VPS13B: variants seen among roughly 807,000 people sequenced by gnomAD.
VPS13B encodes the protein vacuolar protein sorting 13 homolog B, also known as intermembrane lipid transfer protein VPS13B.
A neutral mutation model predicts 426.4 loss-of-function variants in VPS13B; 285 were observed. The observed-to-expected ratio is 0.67, with a 90% CI of 0.61 to 0.74. The LOEUF (loss-of-function observed/expected upper bound fraction) is 0.74, where lower values mean the gene tolerates loss of function less well. VPS13B is among the 30% of genes least tolerant of loss of function. The pLI is 0.00. For synonymous variants in VPS13B, 1,676 were observed against 1,676.4 expected (o/e 1.00, Z 0.01); for missense variants, 4,537 against 4,782.6 (o/e 0.95, Z 1.51).
intron 2 of VPS13B, among the ~76,000 whole-genome samples, chr8:99,037,732 C>T (rs1438432393): frequency 6.6e-6 from 1 of 151,928 alleles, no homozygotes; most frequent in African/African-American, 2.4e-5. Context: ...TGACATTTTT[C>T]ATGCCTAACC....
chr8:99,686,271 C>T (rs4735632), intron 35 of VPS13B, among the ~76,000 whole-genome samples: 10,487 of 152,178 alleles, frequency 0.069, 548 homozygotes, highest in African/African-American at 0.14. Flanking sequence ...ACACAAGCAC[C>T]GTGGCCACCA....
intron 61 of VPS13B, among the ~76,000 whole-genome samples, chr8:99,874,178 C>T (rs1817574632): frequency 6.6e-6 from 1 of 152,140 alleles, no homozygotes; most frequent in Non-Finnish European, 1.5e-5. Context: ...GGCTGGGTTC[C>T]TTTCACAACA....
At chr8:99,074,808 G>T (rs1588000451) in intron 3 of VPS13B, among the ~76,000 whole-genome samples, 1 of 151,832 alleles carries the variant, frequency 6.6e-6, no homozygotes, top group East Asian at 1.9e-4. Context: ...GCTAATTTTT[G>T]TATTTTTTGG....
At chr8:99,336,069 C>A (rs1810846410) in intron 19 of VPS13B, among the ~76,000 whole-genome samples, 1 of 152,068 alleles carries the variant, frequency 6.6e-6, no homozygotes, top group Admixed American at 6.6e-5. Context: ...CAATCCTAAG[C>A]CAAAGAACAA....
At chr8:99,829,120 G>T (rs1407333671) in intron 51 of VPS13B, among the ~76,000 whole-genome samples, 3 of 152,114 alleles carry the variant, frequency 2.0e-5, no homozygotes, top group Non-Finnish European at 4.4e-5. Flanking sequence ...GGTGTTCTCT[G>T]TATTTCCTGA....
At chr8:99,096,569 A>G in intron 4 of VPS13B, 137 bp downstream of exon 4, 1 of 1,227,964 alleles carries the variant, frequency 8.1e-7, no homozygotes. Flanking sequence ...CAGCCTGGCC[A>G]ACATGGTGAA....
chr8:99,551,102 G>T (rs1824258620), intron 30 of VPS13B, among the ~76,000 whole-genome samples: 1 of 151,952 alleles, frequency 6.6e-6, no homozygotes. Context: ...TGCTTAGAGG[G>T]TTAAAGTTTT....
chr8:99,028,848 G>A (rs1354051923), intron 2 of VPS13B, among the ~76,000 whole-genome samples: 1 of 100 alleles, frequency 0.01, no homozygotes, highest in Non-Finnish European at 0.021. Flanking sequence ...GCGGGGGGCT[G>A]ACCCCTTAAG....
chr8:99,671,610 T>C (rs1830719412), intron 35 of VPS13B, among the ~76,000 whole-genome samples: 1 of 152,176 alleles, frequency 6.6e-6, no homozygotes, highest in Non-Finnish European at 1.5e-5. Flanking sequence ...TTGGTCTTAC[T>C]ACATTTAAGT....
At chr8:99,622,249 G>A (rs1828391035) in intron 33 of VPS13B, among the ~76,000 whole-genome samples, 1 of 152,090 alleles carries the variant, frequency 6.6e-6, no homozygotes, top group Non-Finnish European at 1.5e-5. Flanking sequence ...CTGTAAAGTA[G>A]GTATTTTCTC....
chr8:99,661,518 G>T (rs1195689290), intron 35 of VPS13B, 27 bp downstream of exon 35: 1 of 1,608,398 alleles, frequency 6.2e-7, no homozygotes, highest in East Asian at 2.2e-5. Flanking sequence ...ATTTACATGT[G>T]TGTACATTTT....
At chr8:99,357,825 A>G (rs967437571) in intron 19 of VPS13B, among the ~76,000 whole-genome samples, 2 of 152,232 alleles carry the variant, frequency 1.3e-5, no homozygotes, top group Admixed American at 6.5e-5. Context: ...TTTGTTGTCA[A>G]TTAAGTACTA....
chr8:99,450,480 C>T (rs1818133913), intron 23 of VPS13B, among the ~76,000 whole-genome samples: 2 of 152,062 alleles, frequency 1.3e-5, no homozygotes, highest in East Asian at 1.9e-4. Flanking sequence ...TTTGGGAGGC[C>T]AAGGTGGGCA....
At chr8:99,813,078 C>T (rs1238011824) in intron 44 of VPS13B, among the ~76,000 whole-genome samples, 1 of 152,192 alleles carries the variant, frequency 6.6e-6, no homozygotes, top group African/African-American at 2.4e-5. Context: ...AGTTTTGCCA[C>T]TTTGAAGAAA....
intron 39 of VPS13B, among the ~76,000 whole-genome samples, chr8:99,766,066 CTTTTTT>C (rs71274933): frequency 1.9e-5 from 1 of 52,314 alleles, no homozygotes; most frequent in Non-Finnish European, 3.2e-5. Context: ...ACCTTCATTA[CTTTTTT>C]TTTTTTTTTT....
At chr8:99,358,874 G>A (rs1812338059) in intron 19 of VPS13B, among the ~76,000 whole-genome samples, 1 of 152,114 alleles carries the variant, frequency 6.6e-6, no homozygotes, top group African/African-American at 2.4e-5. Flanking sequence ...TTTGATGATT[G>A]GGTACTGATT....
chr8:99,205,435 A>G (rs1483488008), intron 17 of VPS13B, among the ~76,000 whole-genome samples: 1 of 152,202 alleles, frequency 6.6e-6, no homozygotes, highest in Non-Finnish European at 1.5e-5. Flanking sequence ...TCGAACCACC[A>G]TGGTACGTGT....
At chr8:99,606,131 C>T (rs1348268890) in intron 33 of VPS13B, among the ~76,000 whole-genome samples, 1 of 152,034 alleles carries the variant, frequency 6.6e-6, no homozygotes, top group Non-Finnish European at 1.5e-5. Context: ...TCTCAAAACT[C>T]CTGGGCTCGA....
chr8:99,801,412 A>G (rs376963688), intron 43 of VPS13B, among the ~76,000 whole-genome samples: 5 of 152,286 alleles, frequency 3.3e-5, no homozygotes, highest in African/African-American at 1.2e-4. Flanking sequence ...GTTTGAAGCC[A>G]TAGCTTGCTG....
Sources: gnomAD v4.1 joint callset for allele counts (sites outside exome capture counted in the v4.1 genomes callset) on GRCh38, gnomAD v4.1.1 for gene constraint, MANE v1.5 for transcripts, NCBI Gene and HGNC (gene_info 2026-07-23, HGNC 2026-07-21) for gene names.